VPS13C: variants seen among roughly 807,000 people sequenced by gnomAD.
The protein encoded by VPS13C is vacuolar protein sorting 13 homolog C.
A neutral mutation model predicts 456.8 loss-of-function variants in VPS13C; 358 were observed. The observed-to-expected ratio is 0.78, with a 90% CI of 0.72 to 0.86. The LOEUF is 0.86. Ranked by LOEUF, VPS13C falls within the 40% of genes least tolerant of loss-of-function variation. The probability of loss-of-function intolerance (pLI) is 0.00; values close to 1 mark genes in which losing one functional copy is unlikely to be tolerated. For missense variants in VPS13C, 4,818 were observed against 4,385.4 expected (o/e 1.10, Z -2.79); for synonymous variants, 1,578 against 1,486.7 (o/e 1.06, Z -1.41).
chr15:62,049,940 G>A (rs1340611141), intron 1 of VPS13C, among the ~76,000 whole-genome samples: 1 of 152,132 alleles, frequency 6.6e-6, no homozygotes, highest in African/African-American at 2.4e-5. Flanking sequence ...TGTGATTTTT[G>A]CACATTGATT....
At chr15:61,941,124 T>C (rs2044406906) in intron 46 of VPS13C, among the ~76,000 whole-genome samples, 1 of 152,196 alleles carries the variant, frequency 6.6e-6, no homozygotes. Context: ...AAATGTTACA[T>C]CCTCCTAAAA....
At chr15:61,894,038 G>A (rs1201187483) in intron 66 of VPS13C, among the ~76,000 whole-genome samples, 1 of 152,176 alleles carries the variant, frequency 6.6e-6, no homozygotes, top group Non-Finnish European at 1.5e-5. Flanking sequence ...AGGCACAGTG[G>A]CTCATGCCTG....
At chr15:62,058,415 A>G (rs185621358) in intron 1 of VPS13C, among the ~76,000 whole-genome samples, 1 of 152,344 alleles carries the variant, frequency 6.6e-6, no homozygotes, top group African/African-American at 2.4e-5. Context: ...TAGGCCCTCC[A>G]TATTCACGGA....
In VPS13C at chr15:61,951,751, T is replaced by C. The variant is rs564832931; in HGVS notation, c.4456+73A>G. On this transcript the variant is annotated intron_variant, in intron 39 of 84. Transcript: ENST00000644861. ...TAACACAATTGCACAGAAATCAATA[T>C]GTTTAATGTTGATAAAAAGGTAGGG... 825 of 1,413,836 alleles carry C rather than the reference T, an allele frequency of 5.8e-4. 1 individual carries two copies. Among genetic ancestry groups the C allele is most frequent in the Non-Finnish European group, 7.2e-4 (759 of 1,059,756 alleles). The allele number at this position is 1,413,836 out of a possible 1,614,324, so 87.6% of individuals were successfully genotyped here. A position where few individuals can be genotyped will look rare whatever the true frequency, so the allele number is the denominator to read the frequency against.
At chr15:62,040,386 C>CT (rs887428428) in intron 3 of VPS13C, among the ~76,000 whole-genome samples, 6 of 152,110 alleles carry the variant, frequency 3.9e-5, no homozygotes, top group Admixed American at 6.6e-5. Flanking sequence ...AGGATAAATA[C>CT]TTTGAGGTGA....
At chr15:62,031,415 G>A (rs2140637687) in intron 5 of VPS13C, among the ~76,000 whole-genome samples, 1 of 151,872 alleles carries the variant, frequency 6.6e-6, no homozygotes, top group East Asian at 1.9e-4. Flanking sequence ...AATATATAAA[G>A]GTCAGGGTTG....
chr15:61,869,602 G>A lies in VPS13C; in HGVS notation c.10646C>T (p.Ala3549Val). 6.2e-7 allele frequency: 1 copy of A among 1,614,082 alleles called. No individual in the cohort carries two copies. The highest frequency in any genetic ancestry group is 8.5e-7 in the Non-Finnish European group (1 of 1,179,988). Residue 3549 changes from alanine to valine, a missense_variant, in exon 80 of 85, where the codon GCT (alanine) becomes GTT (valine). Physicochemically the swap from Ala to Val is moderately conservative, Grantham distance 64. Around this residue, in one of 3 missense-constraint regions of VPS13C, gnomAD observed 5 missense variants for 20.6 expected, o/e 0.24. Transcript: ENST00000644861. ...TTTTCCAATTCCTTTAAAGAATCCA[G>A]CAGCTCCTTCCTTTTTGGCACCTTC... ...PVEGAKKEGA[A>V]GFFKGIGKGL...
At chr15:61,997,810 T>C (rs1180087640) in intron 16 of VPS13C, among the ~76,000 whole-genome samples, 1 of 151,982 alleles carries the variant, frequency 6.6e-6, no homozygotes, top group East Asian at 1.9e-4. Flanking sequence ...ACTATTTCAA[T>C]AGCCTCCTAA....
chr15:61,931,395 G>T, intron 49 of VPS13C, 136 bp from the exon 50 acceptor site: 1 of 813,186 alleles, frequency 1.2e-6, no homozygotes, highest in Non-Finnish European at 1.8e-6. Flanking sequence ...TAAAACATCT[G>T]AATGGAACAG....
chr15:61,912,619 G>A (rs955284823), intron 62 of VPS13C, among the ~76,000 whole-genome samples: 3 of 148,896 alleles, frequency 2.0e-5, no homozygotes, highest in African/African-American at 7.4e-5. Context: ...TCAAATTTCG[G>A]TACACTTTAG....
At chr15:62,002,778 T>A (rs1293236859) in intron 15 of VPS13C, among the ~76,000 whole-genome samples, 8 of 152,324 alleles carry the variant, frequency 5.3e-5, no homozygotes, top group African/African-American at 1.9e-4. Flanking sequence ...AAATAGGGAA[T>A]CCTTTCCCCA....
chr15:61,952,155 G>A, intron 38 of VPS13C, among the ~76,000 whole-genome samples, 175 bp from the exon 39 acceptor site: 1 of 152,096 alleles, frequency 6.6e-6, no homozygotes, highest in South Asian at 2.1e-4. Flanking sequence ...TAGTCTGATG[G>A]ACAGCCTTTC....
rs1354339815 is a variant in VPS13C at position 61,951,860 on chromosome 15, G to A, written c.4420C>T (p.Leu1474=). 6.2e-7 allele frequency: 1 copy of A among 1,611,608 alleles called. No individual in the cohort carries two copies. The highest frequency in any genetic ancestry group is 8.5e-7 in the Non-Finnish European group (1 of 1,179,042). Residue 1474 remains leucine, a synonymous_variant, in exon 39 of 85, where the codon CTA becomes TTA. Transcript: ENST00000644861. ...KTYDMTAKAY[L]KKISMQCFDF... is the part of the protein sequence containing the mutation. ...AAGCACTGCATACTAATTTTTTTTA[G>A]ATAAGCTTTAGCAGTCATGTCATAG...
At chr15:61,938,422 GTGTCACC>G (rs2044301075) in intron 47 of VPS13C, among the ~76,000 whole-genome samples, 1 of 152,074 alleles carries the variant, frequency 6.6e-6, no homozygotes, top group Non-Finnish European at 1.5e-5. Context: ...CAACTTGCCA[GTGTCACC>G]TGCCTGATAC....
chr15:62,028,693 G>A (rs917496041), intron 5 of VPS13C, among the ~76,000 whole-genome samples: 5 of 151,820 alleles, frequency 3.3e-5, no homozygotes, highest in African/African-American at 7.3e-5. Context: ...TTCGGCTAAC[G>A]GCTCACTAAA....
At chr15:61,954,384 T>C in intron 38 of VPS13C, 37 bp downstream of exon 38, 1 of 1,590,628 alleles carries the variant, frequency 6.3e-7, no homozygotes, top group Non-Finnish European at 8.5e-7. Context: ...CATTACTTAT[T>C]CACCTCACTT....
chr15:62,056,885 G>C (rs1212940179), intron 1 of VPS13C, among the ~76,000 whole-genome samples: 1 of 152,192 alleles, frequency 6.6e-6, no homozygotes, highest in Non-Finnish European at 1.5e-5. Flanking sequence ...AGGGCCCCCT[G>C]TCCTGTGGAC....
chr15:61,919,342 G>A lies in VPS13C; in HGVS notation c.7585C>T (p.Gln2529Ter). ...TTATTCCCTTCAGTTGCATCAATTTGTACCAAGACAGAGTCAGAATGACTG... is the reference window on the plus strand; with the variant it reads ...TTATTCCCTTCAGTTGCATCAATTTATACCAAGACAGAGTCAGAATGACTG... ...NASHSDSVLV[Q>*]IDATEGNKVI... The change falls in exon 58 of 85, where the codon CAA (glutamine) becomes TAA (stop). Residue 2529 changes from glutamine (Q) to a stop codon, truncating the protein, a stop_gained. Transcript: ENST00000644861. LOFTEE classifies it high-confidence loss of function. The A allele has an allele frequency of 6.2e-7, 1 of 1,606,520 alleles. No individual in the cohort carries two copies. Among genetic ancestry groups the A allele is most frequent in the Non-Finnish European group, 8.5e-7 (1 of 1,176,844 alleles).
chr15:62,021,957 T>A (rs1423088671), intron 8 of VPS13C, among the ~76,000 whole-genome samples: 7 of 151,940 alleles, frequency 4.6e-5, no homozygotes. Flanking sequence ...CATTTCTTAA[T>A]ACATAATTTT....
Sources: gnomAD v4.1 joint callset for allele counts (sites outside exome capture counted in the v4.1 genomes callset) on GRCh38, gnomAD v4.1.1 for gene constraint, gnomAD v4.1.1 regional missense constraint, MANE v1.5 for transcripts, NCBI Gene and HGNC (gene_info 2026-07-23, HGNC 2026-07-21) for gene names.